Variants in DYNC2H1 observed in about 807,000 individuals in gnomAD.
The protein encoded by DYNC2H1 is cytoplasmic dynein 2 heavy chain 1.
DYNC2H1 carries 410 observed loss-of-function variants against 570.0 expected under a neutral mutation model. The ratio of observed to expected loss-of-function variants is 0.72; its 90% CI spans 0.66 to 0.78. DYNC2H1 has a LOEUF of 0.78. Among genes scored for constraint, DYNC2H1 ranks in the 30% least tolerant of loss-of-function variants. DYNC2H1 has a pLI of 0.00. For missense variants in DYNC2H1, 4,865 were observed against 5,046.4 expected (o/e 0.96, Z 1.09); for synonymous variants, 1,688 against 1,677.6 (o/e 1.01, Z -0.15).
intron 83 of DYNC2H1, among the ~76,000 whole-genome samples, chr11:103,393,709 A>G (rs1942270265): frequency 6.6e-6 from 1 of 152,166 alleles, no homozygotes; most frequent in East Asian, 1.9e-4. Context: ...AGTCCATTTC[A>G]CGCACTGATA....
intron 50 of DYNC2H1, among the ~76,000 whole-genome samples, chr11:103,202,751 T>C (rs1226760480): frequency 6.6e-6 from 1 of 152,162 alleles, no homozygotes; most frequent in Non-Finnish European, 1.5e-5. Context: ...TTATAGTTTC[T>C]TGTGAATTGT....
rs1565504128 is a variant in DYNC2H1, at chr11:103,334,838, G to A, written c.12039+10848G>A. On this transcript the variant is annotated intron_variant, in intron 82 of 88. Transcript: ENST00000375735. The surrounding 1 kb of genome is among the most constrained non-coding windows in gnomAD (Gnocchi z 4.3). ...GATAGTTTTGCAGAATACAAAGATT[G>A]CTGTGGAGTAATCTTTCCACATGCT... is the stretch of plus-strand genomic sequence containing the variant. Among the ~76,000 whole-genome samples, 1 of 152,012 alleles carries A rather than the reference G, an allele frequency of 6.6e-6. No homozygotes were observed. Among genetic ancestry groups the A allele is most frequent in the East Asian group, 1.9e-4 (1 of 5,196 alleles).
rs1237984178 is a variant in DYNC2H1, at chr11:103,121,476, G to A, written c.1465G>A (p.Val489Ile). 1.9e-6 allele frequency: 3 copies of A among 1,612,302 alleles called. No homozygotes were observed. The East Asian group carries it at 6.7e-5, about 36-fold the overall frequency. The change falls in exon 10 of 89, where the codon GTT (valine) becomes ATT (isoleucine). Residue 489 changes from valine to isoleucine, a missense_variant. Val to Ile is a conservative substitution (Grantham distance 29). Around this residue, in one of 5 missense-constraint regions of DYNC2H1, gnomAD observed 1,936 missense variants for 1,962.1 expected, o/e 0.99. Coordinates refer to ENST00000375735, the MANE Select transcript of DYNC2H1 (RefSeq NM_001377.3). ...LSEVVNSIVWVRQLELKVDDT... is the reference protein window; with the variant it reads ...LSEVVNSIVWIRQLELKVDDT... ...AGAAGTTGTCAACAGTATAGTTTGG[G>A]TTCGCCAGTTGGAATTGAAGGTATT...
intron 87 of DYNC2H1, among the ~76,000 whole-genome samples, chr11:103,467,016 A>T (rs1431988222): frequency 6.6e-6 from 1 of 152,184 alleles, no homozygotes; most frequent in African/African-American, 2.4e-5. Flanking sequence ...TTGTATATTA[A>T]CAAAATGAAA....
At chr11:103,125,588 T>A (rs1429585685) in intron 12 of DYNC2H1, among the ~76,000 whole-genome samples, 1 of 152,202 alleles carries the variant, frequency 6.6e-6, no homozygotes, top group Non-Finnish European at 1.5e-5. Flanking sequence ...GGCCTTCTAA[T>A]TAAGGAGTCC....
In DYNC2H1 at chr11:103,234,027, T is replaced by C. The variant is rs1460685559; in HGVS notation, c.9441-7T>C. Reference sequence around the variant, plus strand: ...TTGCTTTTAATTAAATTTTAATGTTTACATAGATTTCAGAGCAGGACTTCA... The same window carrying C: ...TTGCTTTTAATTAAATTTTAATGTTCACATAGATTTCAGAGCAGGACTTCA... On this transcript the variant is annotated splice_region_variant and splice_polypyrimidine_tract_variant and intron_variant, in intron 60 of 88. Transcript: ENST00000375735. The C allele has an allele frequency of 6.5e-7, 1 of 1,549,384 alleles. No homozygotes were observed. The highest frequency in any genetic ancestry group is 8.7e-7 in the Non-Finnish European group (1 of 1,145,802).
At chr11:103,373,702 C>T (rs956657364) in intron 83 of DYNC2H1, among the ~76,000 whole-genome samples, 18 of 152,138 alleles carry the variant, frequency 1.2e-4, no homozygotes, top group African/African-American at 3.9e-4. Flanking sequence ...CTGTTAGGTC[C>T]ACTTGGTCTA....
intron 47 of DYNC2H1, among the ~76,000 whole-genome samples, chr11:103,192,566 A>G (rs1432933778): frequency 2.0e-5 from 3 of 152,202 alleles, no homozygotes; most frequent in Non-Finnish European, 4.4e-5. Context: ...TATATAAAAC[A>G]TGAAGATCAT....
chr11:103,295,621 C>A (rs755982719), intron 75 of DYNC2H1, among the ~76,000 whole-genome samples: 2 of 152,194 alleles, frequency 1.3e-5, no homozygotes, highest in Admixed American at 1.3e-4. Flanking sequence ...GAGCTACAGC[C>A]ACCTGGGCAC....
chr11:103,353,079 T>C (rs34148878), intron 82 of DYNC2H1, among the ~76,000 whole-genome samples: 5,547 of 152,164 alleles, frequency 0.036, 223 homozygotes, highest in East Asian at 0.19. Context: ...TTCTCCTTCA[T>C]AAGTGGGAGT....
intron 20 of DYNC2H1, among the ~76,000 whole-genome samples, chr11:103,149,226 A>G (rs1565343575): frequency 6.6e-6 from 1 of 152,228 alleles, no homozygotes. Flanking sequence ...TAGAGTTATA[A>G]CTTTAGGATG....
intron 65 of DYNC2H1, among the ~76,000 whole-genome samples, chr11:103,246,862 C>T (rs1171225099): frequency 6.6e-6 from 1 of 152,024 alleles, no homozygotes; most frequent in East Asian, 1.9e-4. Flanking sequence ...TTTCTACTTA[C>T]TGTGTTTAAA....
At chr11:103,148,945 T>C (rs527246165) in intron 20 of DYNC2H1, among the ~76,000 whole-genome samples, 2 of 152,212 alleles carry the variant, frequency 1.3e-5, no homozygotes, top group Admixed American at 6.5e-5. Context: ...TAATCCCAGC[T>C]ATTCAGGAGG....
chr11:103,450,762 G>A (rs1477965447), intron 85 of DYNC2H1, among the ~76,000 whole-genome samples: 1 of 151,986 alleles, frequency 6.6e-6, no homozygotes, highest in African/African-American at 2.4e-5. Flanking sequence ...AAGTAAAATG[G>A]CATCAGTTTA....
At position 103,145,901 on chromosome 11, in the gene DYNC2H1, T is replaced by A. The variant is rs552776246; in HGVS notation, c.2703-1871T>A. 2.6e-5 allele frequency among the ~76,000 whole-genome samples: 4 copies of A among 152,352 alleles called. No individual in the cohort carries two copies. Among genetic ancestry groups the A allele is most frequent in the African/African-American group, 9.6e-5 (4 of 41,580 alleles). ...TGTTAGCCTTGTCCACAGCACTCCG[T>A]AGTTAGTGAGTAAAACTTCTTTGCT... On this transcript the variant is annotated intron_variant, in intron 18 of 88. Coordinates refer to ENST00000375735, the MANE Select transcript of DYNC2H1 (RefSeq NM_001377.3). This position sits in a 1 kb window ranked among gnomAD's most constrained non-coding sequence, Gnocchi z 4.2.
chr11:103,188,768 C>A (rs981483488), intron 44 of DYNC2H1, 120 bp downstream of exon 44: 29 of 845,880 alleles, frequency 3.4e-5, no homozygotes, highest in Non-Finnish European at 4.2e-5. Flanking sequence ...TCAAACTTAA[C>A]CTCTGATATT....
At chr11:103,285,068 TA>T in intron 73 of DYNC2H1, among the ~76,000 whole-genome samples, 1 of 152,290 alleles carries the variant, frequency 6.6e-6, no homozygotes. Flanking sequence ...AATAGAGACA[TA>T]AACAAATAGG....
At position 103,204,407 on chromosome 11, in the gene DYNC2H1, GA is replaced by G. The variant is rs1862843338; in HGVS notation, c.8312-412del. On this transcript the variant is annotated intron_variant, in intron 51 of 88. Transcript: ENST00000375735. This position sits in a 1 kb window ranked among gnomAD's most constrained non-coding sequence, Gnocchi z 4.1. ...CCTTGCCTCCTTTGTTTCATGTGGT[GA>G]AATTAGTGCTGCTTTAGTACCTCCT... Among the ~76,000 whole-genome samples the G allele has an allele frequency of 6.6e-6, 1 of 152,136 alleles. No homozygotes were observed. The highest frequency in any genetic ancestry group is 1.5e-5 in the Non-Finnish European group (1 of 68,028).
At chr11:103,425,343 G>A (rs543307548) in intron 84 of DYNC2H1, among the ~76,000 whole-genome samples, 11 of 152,204 alleles carry the variant, frequency 7.2e-5, no homozygotes, top group East Asian at 5.8e-4. Context: ...ATCTAAGATC[G>A]GGTGCCAGCA....
Sources: gnomAD v4.1 joint callset for allele counts (sites outside exome capture counted in the v4.1 genomes callset) on GRCh38, gnomAD v4.1.1 for gene constraint, gnomAD v4.1.1 regional missense constraint, Gnocchi (gnomAD v3.1) non-coding constraint, MANE v1.5 for transcripts, NCBI Gene and HGNC (gene_info 2026-07-23, HGNC 2026-07-21) for gene names.